Variants in HTT observed in about 807,000 individuals in gnomAD.
HTT encodes the protein huntington disease protein.
Under a neutral mutation model 362.3 loss-of-function variants are expected in HTT, and 104 were observed. The observed-to-expected ratio is 0.29, with a 90% CI of 0.24 to 0.34. The LOEUF (loss-of-function observed/expected upper bound fraction) is 0.34, where lower values mean the gene tolerates loss of function less well. HTT is among the 10% of genes least tolerant of loss of function. The probability of loss-of-function intolerance (pLI) is 1.00; values close to 1 mark genes in which losing one functional copy is unlikely to be tolerated. For synonymous variants in HTT, 1,577 were observed against 1,548.7 expected, an observed-to-expected ratio of 1.02 and a Z score of -0.43; for missense variants, 3,301 against 3,928.6, an observed-to-expected ratio of 0.84 and a Z score of 4.27.
rs996054343 is a variant in HTT at position 3,223,412 on chromosome 4, A to G, written c.7477A>G (p.Thr2493Ala). 1 of 1,588,530 alleles carries G rather than the reference A, an allele frequency of 6.3e-7. No individual in the cohort carries two copies. Among genetic ancestry groups the G allele is most frequent in the African/African-American group, 1.3e-5 (1 of 74,246 alleles). The change falls in exon 55 of 67, where the codon ACA becomes GCA. Residue 2493 changes from threonine (T) to alanine (A), a missense_variant. By Grantham distance (58) the Thr-to-Ala change is moderately conservative (BLOSUM62 0). Transcript: ENST00000355072. ...ATGTGGGCTCTCCTTCCAGGAAGAC[A>G]CAGAGAGGACCCAGATCAACGTCCT... Reference protein sequence around the residue: ...EQEESPPEEDTERTQINVLAV... With the variant: ...EQEESPPEEDAERTQINVLAV...
chr4:3,120,603 C>T (rs559504074), intron 8 of HTT, among the ~76,000 whole-genome samples: 11 of 152,318 alleles, frequency 7.2e-5, no homozygotes, highest in African/African-American at 2.4e-4. Context: ...ATTAGATTCC[C>T]ATAGGAGTGC....
rs955972991 is a variant in HTT at position 3,105,379 on chromosome 4, G to A, written c.551G>A (p.Arg184His). The change falls in exon 5 of 67, where the codon CGT (arginine) becomes CAT (histidine). Residue 184 changes from arginine to histidine, a missense_variant. By Grantham distance (29) the Arg-to-His change is conservative. This residue lies in a region of HTT where 2,316 missense variants were observed against 2,658.5 expected (regional missense o/e 0.87). Transcript: ENST00000355072. ...CAGAATGGTGCCCCTCGGAGTTTGC[G>A]TGCTGCCCTGTGGAGGTTTGCTGAG... ...IKKNGAPRSLRAALWRFAELA... is the reference protein window; with the variant it reads ...IKKNGAPRSLHAALWRFAELA... 3 of 1,613,930 alleles carry A rather than the reference G, an allele frequency of 1.9e-6. No individual in the cohort carries two copies. The highest frequency in any genetic ancestry group is 1.1e-5 in the South Asian group (1 of 91,070).
chr4:3,124,077 A>G (rs1007420115), intron 10 of HTT, among the ~76,000 whole-genome samples: 2 of 152,216 alleles, frequency 1.3e-5, no homozygotes, highest in Admixed American at 6.5e-5. Context: ...AGAACTTGGA[A>G]TCTATAATAT....
chr4:3,216,911 G>C (rs999193262), intron 51 of HTT, among the ~76,000 whole-genome samples: 38 of 151,072 alleles, frequency 2.5e-4, no homozygotes, highest in Admixed American at 1.8e-3. Context: ...TGTAGTCCCA[G>C]CTACTTGGGA....
rs1719727197 is a variant in HTT, at chr4:3,204,114, G to A, written c.5684G>A (p.Arg1895Gln). Residue 1895 changes from arginine (R) to glutamine (Q), a missense_variant, in exon 42 of 67, where the codon CGA becomes CAA. By Grantham distance (43) the Arg-to-Gln change is conservative. This residue lies in a region of HTT where 2,316 missense variants were observed against 2,658.5 expected (regional missense o/e 0.87). Transcript: ENST00000355072. ...KLGMCNREIV[R>Q]RGALILFCDY... ...GGAATGTGCAATAGAGAAATAGTAC[G>A]AAGAGGGGCTCTCATTCTCTTCTGT... 3.1e-6 allele frequency: 5 copies of A among 1,614,080 alleles called. No homozygotes were observed. The highest frequency in any genetic ancestry group is 1.7e-5 in the Admixed American group (1 of 60,012).
At chr4:3,182,718 A>G (rs527908482) in intron 37 of HTT, among the ~76,000 whole-genome samples, 1 of 152,302 alleles carries the variant, frequency 6.6e-6, no homozygotes, top group South Asian at 2.1e-4. Flanking sequence ...CAGGCAGCAC[A>G]CAGCTTTAGA....
intron 19 of HTT, 113 bp from the exon 20 acceptor site, chr4:3,135,791 T>A (rs1333297737): frequency 6.2e-6 from 4 of 646,620 alleles, no homozygotes; most frequent in Admixed American, 6.4e-5. Flanking sequence ...TTTGAGTAAG[T>A]GCTGCCCAAG....
rs1553917204 is a variant in HTT, at chr4:3,176,025, G to GTTTGT, written c.4407+921_4407+922insGTTTT. Among the ~76,000 whole-genome samples, 21 of 139,202 alleles carry GTTTGT rather than the reference G, an allele frequency of 1.5e-4. 1 individual carries two copies. Among genetic ancestry groups the GTTTGT allele is most frequent in the African/African-American group, 5.9e-4 (20 of 33,752 alleles). The allele number at this position is 139,202 out of a possible 152,430, so 91.3% of individuals were successfully genotyped here. Reference sequence around the variant, plus strand: ...CTTGTTTTTTTTGTTGTTGTTGTTTGTTTTTTTTTGTTTTTTTTTTGAGAT... The same window carrying GTTTGT: ...CTTGTTTTTTTTGTTGTTGTTGTTTGTTTGTTTTTTTTTTGTTTTTTTTTTGAGAT... On this transcript the variant is annotated intron_variant, in intron 33 of 66. Transcript: ENST00000355072.
chr4:3,207,502 C>T (rs1719924114), intron 45 of HTT, 145 bp downstream of exon 45: 2 of 656,782 alleles, frequency 3.0e-6, no homozygotes, highest in Non-Finnish European at 5.3e-6. Flanking sequence ...ATAGAACCTT[C>T]CTACTTTTAA....
chr4:3,196,448 C>T (rs1285380797), intron 40 of HTT, among the ~76,000 whole-genome samples: 1 of 152,138 alleles, frequency 6.6e-6, no homozygotes, highest in African/African-American at 2.4e-5. Flanking sequence ...TAAAAATATC[C>T]ATTGCAGGCC....
At position 3,148,053 on chromosome 4, in the gene HTT, C is replaced by A. The variant is rs1065747; in HGVS notation, c.3344C>A (p.Ala1115Asp). Reference sequence around the variant, plus strand: ...AGTTCATGGGCCTCTGAAGAAGAAGCCAACCCAGCAGCCACCAAGCAAGAG... The same window carrying A: ...AGTTCATGGGCCTCTGAAGAAGAAGACAACCCAGCAGCCACCAAGCAAGAG... ...LRSSWASEEEANPAATKQEEV... is the reference protein window; with the variant it reads ...LRSSWASEEEDNPAATKQEEV... Residue 1115 changes from alanine to aspartate, a missense_variant, in exon 26 of 67, where the codon GCC becomes GAC. This residue lies in a region of HTT where 2,316 missense variants were observed against 2,658.5 expected (regional missense o/e 0.87). Coordinates refer to ENST00000355072, the MANE Select transcript of HTT (RefSeq NM_001388492.1). The A allele has an allele frequency of 1.9e-6, 3 of 1,614,078 alleles. No individual in the cohort carries two copies. The South Asian group carries it at 3.3e-5, about 18-fold the overall frequency.
rs1403309342 is a variant in HTT at position 3,199,769 on chromosome 4, G to A, written c.5406G>A (p.Leu1802=). Residue 1802 remains leucine, a synonymous_variant, in exon 41 of 67, where the codon CTG becomes CTA. Transcript: ENST00000355072. ...FRRITAAATR[L]FRSDGCGGSF... is the part of the protein sequence containing the mutation. ...GAATCACAGCAGCTGCCACTAGGCT[G>A]TTCCGCAGTGATGGCTGTGGCGGCA... The A allele has an allele frequency of 1.7e-5, 28 of 1,614,146 alleles. No homozygotes were observed. Among genetic ancestry groups the A allele is most frequent in the Non-Finnish European group, 2.4e-5 (28 of 1,180,028 alleles).
rs1245039079 is a variant in HTT, at chr4:3,225,682, A to G, written c.7787A>G (p.Lys2596Arg). ...ATTGALISHE[K>R]LLLQINPERE... ...ACAGGTGCCCTCATCAGCCACGAGA[A>G]GCTGCTGCTACAGATCAACCCCGAG... The change falls in exon 57 of 67, where the codon AAG becomes AGG. Residue 2596 changes from lysine to arginine, a missense_variant. By Grantham distance (26) the Lys-to-Arg change is conservative. Transcript: ENST00000355072. The G allele has an allele frequency of 6.2e-7, 1 of 1,613,982 alleles. No homozygotes were observed. The highest frequency in any genetic ancestry group is 8.5e-7 in the Non-Finnish European group (1 of 1,179,998).
At chr4:3,145,086 CAG>C in intron 23 of HTT, 64 bp from the exon 24 acceptor site, 1 of 1,131,758 alleles carries the variant, frequency 8.8e-7, no homozygotes, top group East Asian at 2.3e-5. Context: ...TAAAGGGTAA[CAG>C]GAGATATAAT....
At chr4:3,191,045 C>T (rs1021885311) in intron 40 of HTT, among the ~76,000 whole-genome samples, 4 of 152,176 alleles carry the variant, frequency 2.6e-5, no homozygotes, top group Non-Finnish European at 5.9e-5. Flanking sequence ...CTCCTTTAAG[C>T]GGCTTAGGAG....
intron 31 of HTT, 54 bp downstream of exon 31, chr4:3,173,185 G>A (rs1718073570): frequency 2.1e-6 from 3 of 1,419,724 alleles, no homozygotes; most frequent in Admixed American, 1.7e-5. Context: ...AGAGCAAGCA[G>A]GAAATACTTT....
In HTT at chr4:3,225,915, C is replaced by T. The variant is rs563044970; in HGVS notation, c.7848+172C>T. On this transcript the variant is annotated intron_variant, in intron 57 of 66. Transcript: ENST00000355072. ...TTTTATCTGTTTTATTCCTAGGTCC[C>T]GCAAGCAGAGGAAGCATTAGTTTTG... 2.2e-4 allele frequency among the ~76,000 whole-genome samples: 34 copies of T among 151,874 alleles called. 1 individual carries two copies. Among genetic ancestry groups the T allele is most frequent in the African/African-American group, 5.6e-4 (23 of 41,296 alleles).
At chr4:3,178,706 T>C (rs1214207613) in intron 35 of HTT, among the ~76,000 whole-genome samples, 2 of 152,358 alleles carry the variant, frequency 1.3e-5, no homozygotes, top group Admixed American at 6.5e-5. Context: ...AGATAGATTC[T>C]GAATATAAAG....
chr4:3,076,565 C>T (rs1465722978), intron 1 of HTT, among the ~76,000 whole-genome samples: 2 of 152,200 alleles, frequency 1.3e-5, no homozygotes, highest in African/African-American at 4.8e-5. Flanking sequence ...TTTGGCTTAT[C>T]TCTTCAGTAA....
Sources: allele counts gnomAD v4.1 joint callset (sites outside exome capture counted in the v4.1 genomes callset), GRCh38; gene constraint gnomAD v4.1.1; regional missense constraint gnomAD v4.1.1; transcripts MANE v1.5; gene names NCBI Gene and HGNC (gene_info 2026-07-23, HGNC 2026-07-21).